The following LAMB4 variants were observed in gnomAD, a reference collection of about 807,000 sequenced individuals.
LAMB4 encodes the protein laminin subunit beta 4, also known as laminin subunit beta-4.
LAMB4 carries 196 observed loss-of-function variants against 199.2 expected under a neutral mutation model. The ratio of observed to expected loss-of-function variants is 0.98; its 90% CI spans 0.88 to 1.11. LAMB4 has a LOEUF of 1.11. Among genes scored for constraint, LAMB4 ranks in the 50% least tolerant of loss-of-function variants. The pLI, the probability that LAMB4 is intolerant of heterozygous loss-of-function variation, is 0.00. For missense variants in LAMB4, 2,080 were observed against 2,171.2 expected (o/e 0.96, Z 0.83); for synonymous variants, 744 against 770.6 (o/e 0.97, Z 0.57).
chr7:108,026,964 C>T (rs1260714570), intron 33 of LAMB4: 2 of 495,680 alleles, frequency 4.0e-6, no homozygotes, highest in East Asian at 1.1e-4. Flanking sequence ...TTTAGACCTC[C>T]CTGAGAAGCC....
At chr7:108,119,434 A>G (rs1314625152) in intron 2 of LAMB4, among the ~76,000 whole-genome samples, 1 of 152,226 alleles carries the variant, frequency 6.6e-6, no homozygotes, top group Admixed American at 6.5e-5. Context: ...TGTACCATGG[A>G]ACCTAGCAAA....
intron 14 of LAMB4, among the ~76,000 whole-genome samples, chr7:108,089,992 C>A (rs562735400): frequency 6.6e-6 from 1 of 152,164 alleles, no homozygotes; most frequent in Non-Finnish European, 1.5e-5. Flanking sequence ...CCAGATGCAC[C>A]TGGGTTTCAA....
chr7:108,030,781 T>G, intron 32 of LAMB4, 25 bp downstream of exon 32: 1 of 1,604,760 alleles, frequency 6.2e-7, no homozygotes, highest in Non-Finnish European at 8.5e-7. Flanking sequence ...TTTCTGCTCT[T>G]GGTGGCAGTG....
At position 108,116,053 on chromosome 7, in the gene LAMB4, G is replaced by A; in HGVS notation, c.143C>T (p.Thr48Ile). 4 of 1,614,060 alleles carry A rather than the reference G, an allele frequency of 2.5e-6. No homozygotes were observed. Among genetic ancestry groups the A allele is most frequent in the South Asian group, 2.2e-5 (2 of 91,066 alleles). The change falls in exon 3 of 34, where the codon ACC becomes ATC. Residue 48 changes from threonine to isoleucine, a missense_variant. Thr to Ile is a moderately conservative substitution (Grantham distance 89). Transcript: ENST00000388781. ...GRNTQLMASS[T>I]CGLSRAQKYC... is the part of the protein sequence containing the mutation. ...TTTCTGGGCTCTGCTCAGCCCACAGGTAGAAGAAGCCATAAGCTGCGTGTT... is the reference window on the plus strand; with the variant it reads ...TTTCTGGGCTCTGCTCAGCCCACAGATAGAAGAAGCCATAAGCTGCGTGTT...
chr7:108,088,134 C>T (rs2037254657), intron 14 of LAMB4, among the ~76,000 whole-genome samples: 2 of 151,912 alleles, frequency 1.3e-5, no homozygotes, highest in Non-Finnish European at 2.9e-5. Flanking sequence ...TGGAAATACA[C>T]ATCACATTCC....
chr7:108,081,317 C>T (rs576194163), intron 14 of LAMB4, among the ~76,000 whole-genome samples: 5 of 152,114 alleles, frequency 3.3e-5, no homozygotes, highest in Non-Finnish European at 5.9e-5. Flanking sequence ...TGGGAGCTCA[C>T]AGCCAATGAC....
intron 14 of LAMB4, among the ~76,000 whole-genome samples, chr7:108,085,242 C>T (rs898495480): frequency 6.6e-6 from 1 of 152,130 alleles, no homozygotes; most frequent in East Asian, 1.9e-4. Context: ...TAGTTTTGTG[C>T]AGTGTTCTCA....
chr7:108,071,285 T>C (rs1232533980), intron 17 of LAMB4, among the ~76,000 whole-genome samples: 1 of 152,106 alleles, frequency 6.6e-6, no homozygotes, highest in African/African-American at 2.4e-5. Context: ...TTCAAGCCAA[T>C]GCAATACTTC....
chr7:108,105,798 T>C lies in LAMB4; in HGVS notation c.870+19A>G, dbSNP rs1403012956. ...AGGCAGGTAGGACAGCCCACTGTTCTTTTGGATTAATAACTCACCATTCCA... is the reference window on the plus strand; with the variant it reads ...AGGCAGGTAGGACAGCCCACTGTTCCTTTGGATTAATAACTCACCATTCCA... On this transcript the variant is annotated intron_variant, in intron 8 of 33. Coordinates refer to ENST00000388781, the MANE Select transcript of LAMB4 (RefSeq NM_007356.3). 1 of 1,610,578 alleles carries C rather than the reference T, an allele frequency of 6.2e-7. No homozygotes were observed. Among genetic ancestry groups the C allele is most frequent in the East Asian group, 2.2e-5 (1 of 44,868 alleles).
At chr7:108,091,163 G>T (rs191035544) in intron 14 of LAMB4, among the ~76,000 whole-genome samples, 1 of 150,606 alleles carries the variant, frequency 6.6e-6, no homozygotes, top group East Asian at 2.0e-4. Context: ...CTATACTTTC[G>T]TCATGCATTT....
intron 14 of LAMB4, among the ~76,000 whole-genome samples, chr7:108,082,768 C>A (rs1411314246): frequency 6.6e-6 from 1 of 152,174 alleles, no homozygotes; most frequent in Non-Finnish European, 1.5e-5. Flanking sequence ...ACACCCAAGC[C>A]AAGACAGTAC....
At chr7:108,080,246 G>A (rs2036878441) in intron 14 of LAMB4, among the ~76,000 whole-genome samples, 1 of 152,102 alleles carries the variant, frequency 6.6e-6, no homozygotes, top group East Asian at 1.9e-4. Context: ...AATGAGAAAC[G>A]CTCTTCTTCT....
chr7:108,039,551 C>T (rs1217288501), intron 29 of LAMB4, among the ~76,000 whole-genome samples: 1 of 151,106 alleles, frequency 6.6e-6, no homozygotes, highest in African/African-American at 2.4e-5. Flanking sequence ...TCACTGCAAC[C>T]TCTGCCTCCT....
intron 33 of LAMB4, among the ~76,000 whole-genome samples, chr7:108,025,897 C>T (rs192198319): frequency 4.9e-4 from 74 of 152,314 alleles, no homozygotes; most frequent in African/African-American, 1.8e-3. Context: ...GAAAGCTACC[C>T]TTCCTGGATA....
intron 7 of LAMB4, among the ~76,000 whole-genome samples, 160 bp downstream of exon 7, chr7:108,106,349 C>A (rs757260663): frequency 6.6e-6 from 1 of 151,212 alleles, no homozygotes; most frequent in Non-Finnish European, 1.5e-5. Flanking sequence ...ACCCAGGAGG[C>A]GGAGGTTGCA....
intron 33 of LAMB4, among the ~76,000 whole-genome samples, chr7:108,028,472 ATTTTTT>A (rs1195925912): frequency 8.9e-6 from 1 of 111,790 alleles, no homozygotes; most frequent in Admixed American, 9.6e-5. Context: ...AAAAAAGGGC[ATTTTTT>A]TTTTTTTTTT....
At chr7:108,082,126 T>G (rs2036969452) in intron 14 of LAMB4, among the ~76,000 whole-genome samples, 1 of 151,982 alleles carries the variant, frequency 6.6e-6, no homozygotes, top group Non-Finnish European at 1.5e-5. Flanking sequence ...GTCAGGAGAT[T>G]GAGACCACCT....
At chr7:108,046,400 C>CT (rs1356987150) in intron 28 of LAMB4, among the ~76,000 whole-genome samples, 1 of 151,704 alleles carries the variant, frequency 6.6e-6, no homozygotes, top group Non-Finnish European at 1.5e-5. Flanking sequence ...CAGGAGTGGG[C>CT]TTTTTTTGCT....
rs1234803338 is a variant in LAMB4, at chr7:108,065,843, T to C, written c.2755A>G (p.Ser919Gly). ...CAGGAATGGGCAAAATACTGATTGC[T>C]TGAGGGATCATCTGGACACAGGCAA... ...RPCLCPDDPS[S>G]NQYFAHSCYQ... Residue 919 changes from serine (S) to glycine (G), a missense_variant, in exon 21 of 34, where the codon AGC becomes GGC. Coordinates refer to ENST00000388781, the MANE Select transcript of LAMB4 (RefSeq NM_007356.3). The C allele has an allele frequency of 1.2e-6, 2 of 1,614,132 alleles. No homozygotes were observed. The highest frequency in any genetic ancestry group is 1.1e-5 in the South Asian group (1 of 91,078).
Sources: gnomAD v4.1 joint callset for allele counts (sites outside exome capture counted in the v4.1 genomes callset) on GRCh38, gnomAD v4.1.1 for gene constraint, MANE v1.5 for transcripts, NCBI Gene and HGNC (gene_info 2026-07-23, HGNC 2026-07-21) for gene names.